Variants in LRRTM4 observed in about 807,000 individuals in gnomAD.
The protein encoded by LRRTM4 is leucine-rich repeat transmembrane neuronal protein 4.
In LRRTM4, 25 loss-of-function variants were observed where a neutral mutation model predicts 47.6. The ratio of observed to expected loss-of-function variants is 0.53; its 90% CI spans 0.38 to 0.73. The LOEUF is 0.73. Among genes scored for constraint, LRRTM4 ranks in the 30% least tolerant of loss-of-function variants. The pLI is 0.00. For missense variants in LRRTM4, 638 were observed against 713.4 expected, an observed-to-expected ratio of 0.89 and a Z score of 1.20; for synonymous variants, 311 against 269.5, an observed-to-expected ratio of 1.15 and a Z score of -1.51.
chr2:77,283,737 C>T (rs1004609111), intron 3 of LRRTM4, among the ~76,000 whole-genome samples: 12 of 152,058 alleles, frequency 7.9e-5, no homozygotes, highest in Middle Eastern at 3.4e-3. Context: ...ATCAAAATAC[C>T]GCATGTTCTC....
intron 3 of LRRTM4, among the ~76,000 whole-genome samples, chr2:76,988,266 T>C (rs1676873230): frequency 6.6e-6 from 1 of 151,850 alleles, no homozygotes; most frequent in African/African-American, 2.4e-5. Flanking sequence ...TCATAGCAAG[T>C]CTCCTTAAGC....
At chr2:76,946,559 T>C (rs1234845744) in intron 3 of LRRTM4, among the ~76,000 whole-genome samples, 3 of 151,740 alleles carry the variant, frequency 2.0e-5, no homozygotes, top group Admixed American at 6.6e-5. Context: ...AAGTGGCAAA[T>C]ACAGAGTTAA....
At chr2:77,060,379 GAATTCAGATTA>G (rs1202467428) in intron 3 of LRRTM4, among the ~76,000 whole-genome samples, 2 of 151,720 alleles carry the variant, frequency 1.3e-5, no homozygotes, top group African/African-American at 4.8e-5. Flanking sequence ...TAAATGAAAA[GAATTCAGATTA>G]AATGTCCTCA....
intron 3 of LRRTM4, among the ~76,000 whole-genome samples, chr2:76,755,368 TGTTCTGTATTAA>T (rs1382300545): frequency 6.6e-6 from 1 of 152,148 alleles, no homozygotes; most frequent in African/African-American, 2.4e-5. Context: ...AAAAGTTAAC[TGTTCTGTATTAA>T]GATGGAAATT....
chr2:76,915,810 A>T (rs1179799029), intron 3 of LRRTM4, among the ~76,000 whole-genome samples: 2 of 152,192 alleles, frequency 1.3e-5, no homozygotes, highest in Non-Finnish European at 2.9e-5. Flanking sequence ...AGTGAAGAAA[A>T]TTATAAAATA....
At chr2:76,967,401 T>C (rs1477812037) in intron 3 of LRRTM4, among the ~76,000 whole-genome samples, 1 of 151,362 alleles carries the variant, frequency 6.6e-6, no homozygotes. Flanking sequence ...AACATTGGAG[T>C]AGATCTTTCT....
intron 3 of LRRTM4, among the ~76,000 whole-genome samples, chr2:77,177,653 T>A (rs538397453): frequency 6.6e-6 from 1 of 152,212 alleles, no homozygotes; most frequent in African/African-American, 2.4e-5. Context: ...TCTTATGATC[T>A]CCACTGACTA....
intron 3 of LRRTM4, among the ~76,000 whole-genome samples, chr2:76,753,674 T>C (rs376253903): frequency 3.2e-4 from 48 of 152,262 alleles, no homozygotes; most frequent in African/African-American, 9.6e-4. Context: ...AGGGTAATTA[T>C]AGAGGACTAT....
At chr2:77,267,125 A>G (rs1326234527) in intron 3 of LRRTM4, among the ~76,000 whole-genome samples, 1 of 152,192 alleles carries the variant, frequency 6.6e-6, no homozygotes, top group African/African-American at 2.4e-5. Flanking sequence ...CTCATTTATT[A>G]TCTGCAGAAA....
chr2:77,382,106 C>G (rs952514648), intron 3 of LRRTM4, among the ~76,000 whole-genome samples: 1 of 151,894 alleles, frequency 6.6e-6, no homozygotes, highest in African/African-American at 2.4e-5. Context: ...GTCTTCTAAA[C>G]TATGGTCAAG....
chr2:77,285,681 G>A (rs1374492835), intron 3 of LRRTM4, among the ~76,000 whole-genome samples: 1 of 151,966 alleles, frequency 6.6e-6, no homozygotes, highest in Non-Finnish European at 1.5e-5. Context: ...GGCAGAGGCT[G>A]CAGTGAGCTG....
chr2:76,974,181 T>TATAC lies in LRRTM4; in HGVS notation c.1552-225266_1552-225265insGTAT, dbSNP rs1182667643. Among the ~76,000 whole-genome samples, 36 of 112,904 alleles carry TATAC rather than the reference T, an allele frequency of 3.2e-4. 1 individual carries two copies. The highest frequency in any genetic ancestry group is 1.3e-3 in the African/African-American group (31 of 23,534). 74.1% of individuals were successfully genotyped at this position (112,904 alleles called of 152,430 possible). On this transcript the variant is annotated intron_variant, in intron 3 of 3. Coordinates refer to ENST00000409884, the MANE Select transcript of LRRTM4 (RefSeq NM_001134745.3). ...ATATATATATATACATACATATATATACATACATATATATACATATATATA... is the reference window on the plus strand; with the variant it reads ...ATATATATATATACATACATATATATATACACATACATATATATACATATATATA...
At chr2:77,176,131 G>C (rs1673191609) in intron 3 of LRRTM4, among the ~76,000 whole-genome samples, 1 of 151,956 alleles carries the variant, frequency 6.6e-6, no homozygotes, top group African/African-American at 2.4e-5. Context: ...TTGTAAATTA[G>C]GGATGTTTGT....
At chr2:77,091,437 T>C (rs1486618460) in intron 3 of LRRTM4, among the ~76,000 whole-genome samples, 2 of 149,422 alleles carry the variant, frequency 1.3e-5, no homozygotes, top group African/African-American at 2.5e-5. Context: ...TTTTAAAATC[T>C]ATAAACTCTA....
Position 77,306,897 on chromosome 2 carries a change from A to ATTTTTTTTTTTTTTT in LRRTM4, c.1551+211406_1551+211420dup, listed in dbSNP as rs774697360. ...AAATAGCTATATACTGCTTTTCCAT[A>ATTTTTTTTTTTTTTT]TTTTTTTTTTTTTTTTTTTTGAGAT... On this transcript the variant is annotated intron_variant, in intron 3 of 3. Coordinates refer to ENST00000409884, the MANE Select transcript of LRRTM4 (RefSeq NM_001134745.3). Among the ~76,000 whole-genome samples, 91 of 112,408 alleles carry ATTTTTTTTTTTTTTT rather than the reference A, an allele frequency of 8.1e-4. 6 individuals are homozygous for ATTTTTTTTTTTTTTT. Among genetic ancestry groups the ATTTTTTTTTTTTTTT allele is most frequent in the African/African-American group, 3.7e-3 (85 of 23,130 alleles). The allele number at this position is 112,408 out of a possible 152,430, so 73.7% of individuals were successfully genotyped here.
intron 3 of LRRTM4, among the ~76,000 whole-genome samples, chr2:77,380,605 G>C (rs1482875170): frequency 6.6e-6 from 1 of 151,926 alleles, no homozygotes; most frequent in Non-Finnish European, 1.5e-5. Flanking sequence ...GAGACCATCT[G>C]GCCAATATGG....
At chr2:77,048,142 GA>G (rs1355578024) in intron 3 of LRRTM4, among the ~76,000 whole-genome samples, 2 of 151,900 alleles carry the variant, frequency 1.3e-5, no homozygotes, top group Non-Finnish European at 2.9e-5. Flanking sequence ...TTATGTTAGG[GA>G]AAAAATGAAG....
intron 3 of LRRTM4, among the ~76,000 whole-genome samples, chr2:77,240,748 G>T (rs558246796): frequency 1.3e-5 from 2 of 151,880 alleles, no homozygotes; most frequent in Non-Finnish European, 2.9e-5. Context: ...AAATTGTATT[G>T]CATTTTTACA....
At chr2:77,271,475 C>A (rs1270435980) in intron 3 of LRRTM4, among the ~76,000 whole-genome samples, 1 of 152,188 alleles carries the variant, frequency 6.6e-6, no homozygotes, top group African/African-American at 2.4e-5. Context: ...CCAGCCAGAT[C>A]CTGCACTCGC....
Sources: gnomAD v4.1 joint callset for allele counts (sites outside exome capture counted in the v4.1 genomes callset) on GRCh38, gnomAD v4.1.1 for gene constraint, MANE v1.5 for transcripts, NCBI Gene and HGNC (gene_info 2026-07-23, HGNC 2026-07-21) for gene names.